The following KDM2B variants were observed in gnomAD, a reference collection of about 807,000 sequenced individuals.
KDM2B encodes the protein lysine demethylase 2B, also known as lysine-specific demethylase 2B.
Under a neutral mutation model 150.0 loss-of-function variants are expected in KDM2B, and 26 were observed. That is an observed-to-expected ratio of 0.17 (90% CI 0.13 to 0.24). The LOEUF (loss-of-function observed/expected upper bound fraction) is 0.24, where lower values mean the gene tolerates loss of function less well. Among genes scored for constraint, KDM2B ranks in the 10% least tolerant of loss-of-function variants. The pLI, the probability that KDM2B is intolerant of heterozygous loss-of-function variation, is 1.00. For missense variants in KDM2B, 1,265 were observed against 1,816.9 expected, an observed-to-expected ratio of 0.70 and a Z score of 5.52; for synonymous variants, 734 against 729.5, an observed-to-expected ratio of 1.01 and a Z score of -0.10.
At position 121,513,604 on chromosome 12, in the gene KDM2B, C is replaced by A. The variant is rs569616321; in HGVS notation, c.1048-202G>T. Reference sequence around the variant, plus strand: ...CACAAATGAGGCGGAGGACGAGGCCCGCATGAGCGCCTCATCTCAAAGGTC... The same window carrying A: ...CACAAATGAGGCGGAGGACGAGGCCAGCATGAGCGCCTCATCTCAAAGGTC... On this transcript the variant is annotated intron_variant, in intron 9 of 22. Transcript: ENST00000377071. This position sits in a 1 kb window ranked among gnomAD's most constrained non-coding sequence, Gnocchi z 5.0. 6.6e-6 allele frequency among the ~76,000 whole-genome samples: 1 copy of A among 152,208 alleles called. No homozygotes were observed. The highest frequency in any genetic ancestry group is 1.5e-5 in the Non-Finnish European group (1 of 68,008).
chr12:121,479,042 G>A (rs1243947276), intron 12 of KDM2B, among the ~76,000 whole-genome samples: 1 of 152,096 alleles, frequency 6.6e-6, no homozygotes, highest in Non-Finnish European at 1.5e-5. Flanking sequence ...AAGCTCAGGG[G>A]TAAAGGGAGT....
In KDM2B at chr12:121,549,915, G is replaced by C. The variant is rs570947648; in HGVS notation, c.398-277C>G. ...AAGCAGCTGGGCATGGTGGCTTAAGGCTGTAATCCCAGCACTTTGGGAGGC... is the reference window on the plus strand; with the variant it reads ...AAGCAGCTGGGCATGGTGGCTTAAGCCTGTAATCCCAGCACTTTGGGAGGC... On this transcript the variant is annotated intron_variant, in intron 4 of 22. Coordinates refer to ENST00000377071, the MANE Select transcript of KDM2B (RefSeq NM_032590.5). The surrounding 1 kb of genome is among the most constrained non-coding windows in gnomAD (Gnocchi z 4.4). Among the ~76,000 whole-genome samples, 1 of 152,144 alleles carries C rather than the reference G, an allele frequency of 6.6e-6. No homozygotes were observed. The highest frequency in any genetic ancestry group is 1.5e-5 in the Non-Finnish European group (1 of 68,034).
intron 22 of KDM2B, among the ~76,000 whole-genome samples, chr12:121,434,621 A>C (rs570819145): frequency 6.6e-6 from 1 of 152,200 alleles, no homozygotes; most frequent in Non-Finnish European, 1.5e-5. Context: ...TAATCTTTTC[A>C]ATAAATGTTG....
intron 1 of KDM2B, chr12:121,580,259 G>T (rs983380101): frequency 8.0e-7 from 1 of 1,257,142 alleles, no homozygotes; most frequent in Non-Finnish European, 1.0e-6. Flanking sequence ...TTGTGGGGGG[G>T]GGGAGGCGTC....
Position 121,549,290 on chromosome 12 carries a change from T to G in KDM2B, c.576+170A>C, listed in dbSNP as rs141161128. On this transcript the variant is annotated intron_variant, in intron 5 of 22. Coordinates refer to ENST00000377071, the MANE Select transcript of KDM2B (RefSeq NM_032590.5). The surrounding 1 kb of genome is among the most constrained non-coding windows in gnomAD (Gnocchi z 4.4). ...GGCCAGCCTGGGCAACATAGCAAGATCCCTGTCTCTACAAACCACGTTACC... is the reference window on the plus strand; with the variant it reads ...GGCCAGCCTGGGCAACATAGCAAGAGCCCTGTCTCTACAAACCACGTTACC... Among the ~76,000 whole-genome samples, 2,149 of 151,930 alleles carry G rather than the reference T, an allele frequency of 0.014. 51 individuals carry two copies. Among genetic ancestry groups the G allele is most frequent in the African/African-American group, 0.049 (2,028 of 41,384 alleles).
At chr12:121,424,903 A>G (rs1872439443), downstream of KDM2B, among the ~76,000 whole-genome samples, 1 of 152,120 alleles carries the variant, frequency 6.6e-6, no homozygotes, top group Non-Finnish European at 1.5e-5. Flanking sequence ...TTGCTTCTCT[A>G]ACCTCTGAGA....
chr12:121,495,458 G>A (rs113933202), intron 11 of KDM2B, among the ~76,000 whole-genome samples: 1 of 152,064 alleles, frequency 6.6e-6, no homozygotes, highest in Non-Finnish European at 1.5e-5. Flanking sequence ...AACACGCCCA[G>A]CCATAATTTT....
chr12:121,502,980 G>GTT (rs782050310), intron 11 of KDM2B, among the ~76,000 whole-genome samples: 32 of 129,646 alleles, frequency 2.5e-4, no homozygotes, highest in African/African-American at 5.7e-4. Context: ...TTTTTTGTGG[G>GTT]TTTTTTTTTT....
At chr12:121,499,902 T>A (rs1046565734) in intron 11 of KDM2B, among the ~76,000 whole-genome samples, 2 of 151,742 alleles carry the variant, frequency 1.3e-5, no homozygotes, top group Admixed American at 6.6e-5. Context: ...TGAGCCAAGA[T>A]CGCACCACTG....
the KDM2B span, among the ~76,000 whole-genome samples, chr12:121,414,098 G>C: frequency 6.6e-6 from 1 of 152,176 alleles, no homozygotes; most frequent in African/African-American, 2.4e-5. Flanking sequence ...TTTTAAGGTT[G>C]AGGGCTTTTT....
intron 22 of KDM2B, among the ~76,000 whole-genome samples, chr12:121,436,577 C>T (rs544441087): frequency 2.0e-5 from 3 of 150,252 alleles, no homozygotes; most frequent in African/African-American, 4.9e-5. Context: ...GAAAATACAG[C>T]AAAAAGACAT....
rs544080853 is a variant in KDM2B at position 121,467,324 on chromosome 12, G to A, written c.1735-13980C>T. 22,525 of 982,336 alleles carry A rather than the reference G, an allele frequency of 0.023. 297 individuals are homozygous for A. The highest frequency in any genetic ancestry group is 0.025 in the Non-Finnish European group (20,771 of 828,894). 60.9% of individuals were successfully genotyped at this position (982,336 alleles called of 1,614,324 possible). The stretch of plus-strand genomic sequence containing the variant: ...CTGGCTCGGGCTCGGGCTCGGGCTC[G>A]GGCTCCCGCTGCCGCGAGGAGGGAG... On this transcript the variant is annotated intron_variant, in intron 12 of 22. Coordinates refer to ENST00000377071, the MANE Select transcript of KDM2B (RefSeq NM_032590.5). This position sits in a 1 kb window ranked among gnomAD's most constrained non-coding sequence, Gnocchi z 5.1.
At chr12:121,550,204 G>A (rs1486387312) in intron 4 of KDM2B, among the ~76,000 whole-genome samples, 1 of 152,074 alleles carries the variant, frequency 6.6e-6, no homozygotes, top group African/African-American at 2.4e-5. Flanking sequence ...CAGCTACTCA[G>A]GAAACTGAGG....
In KDM2B at chr12:121,441,143, C is replaced by T; in HGVS notation, c.3375G>A (p.Gln1125=). The change falls in exon 20 of 23, where the codon CAG becomes CAA. Residue 1125 remains glutamine (Q), a synonymous_variant. Coordinates refer to ENST00000377071, the MANE Select transcript of KDM2B (RefSeq NM_032590.5). ...PLMLSGIIRR[Q]PVSLDLSWTN... ...TCCAGCTGAGGTCGAGGGAGACGGG[C>T]TGTCGCCGGATGATGCCACTCAGCA... is the stretch of plus-strand genomic sequence containing the variant. 1.2e-6 allele frequency: 2 copies of T among 1,614,214 alleles called. No homozygotes were observed. The highest frequency in any genetic ancestry group is 1.7e-6 in the Non-Finnish European group (2 of 1,180,028).
chr12:121,408,698 G>T, the KDM2B span, among the ~76,000 whole-genome samples: 5 of 152,102 alleles, frequency 3.3e-5, no homozygotes, highest in Non-Finnish European at 7.4e-5. Flanking sequence ...TCTTCTGGAT[G>T]GATTCTTCAT....
At chr12:121,580,205 T>C (rs1245494181) in intron 1 of KDM2B, 1 of 1,420,764 alleles carries the variant, frequency 7.0e-7, no homozygotes, top group Non-Finnish European at 9.2e-7. Context: ...CACCAACACT[T>C]AGGCAGATCC....
At chr12:121,489,132 A>G (rs1364647548) in intron 12 of KDM2B, among the ~76,000 whole-genome samples, 2 of 151,908 alleles carry the variant, frequency 1.3e-5, no homozygotes, top group Non-Finnish European at 2.9e-5. Context: ...TTTAGTAAAG[A>G]TGGTGTTTCA....
chr12:121,525,121 C>A (rs1234252512), intron 8 of KDM2B, among the ~76,000 whole-genome samples: 3 of 152,186 alleles, frequency 2.0e-5, no homozygotes, highest in Admixed American at 6.5e-5. Flanking sequence ...CTCCCTGCGC[C>A]GGGCCAGGAT....
Position 121,566,682 on chromosome 12 carries a change from G to A in KDM2B, c.397+7865C>T, listed in dbSNP as rs1890728214. On this transcript the variant is annotated intron_variant, in intron 4 of 22. Transcript: ENST00000377071. ...ATGGTGGCCGGCACCTGTAATCCCA[G>A]CTATTCAGGAGGATGAGGCAGGAGA... Among the ~76,000 whole-genome samples the A allele has an allele frequency of 2.0e-5, 3 of 151,994 alleles. No individual in the cohort carries two copies. The South Asian group carries it at 6.2e-4, about 32-fold the overall frequency.
Sources: gnomAD v4.1 joint callset for allele counts (sites outside exome capture counted in the v4.1 genomes callset) on GRCh38, gnomAD v4.1.1 for gene constraint, Gnocchi (gnomAD v3.1) non-coding constraint, MANE v1.5 for transcripts, NCBI Gene and HGNC (gene_info 2026-07-23, HGNC 2026-07-21) for gene names.